Variants in CDH26 observed in about 807,000 individuals in gnomAD.
CDH26 encodes cadherin-like protein 26.
Under a neutral mutation model 90.3 loss-of-function variants are expected in CDH26, and 83 were observed. The ratio of observed to expected loss-of-function variants is 0.92; its 90% CI spans 0.77 to 1.10. CDH26 has a LOEUF of 1.10. Among genes scored for constraint, CDH26 ranks in the 50% least tolerant of loss-of-function variants. The probability of loss-of-function intolerance (pLI) is 0.00; values close to 1 mark genes in which losing one functional copy is unlikely to be tolerated. For synonymous variants in CDH26, 397 were observed against 396.3 expected, an observed-to-expected ratio of 1.00 and a Z score of -0.02; for missense variants, 1,013 against 1,037.6, an observed-to-expected ratio of 0.98 and a Z score of 0.33.
intron 7 of CDH26, among the ~76,000 whole-genome samples, chr20:60,027,272 T>A (rs536068182): frequency 6.6e-6 from 1 of 152,188 alleles, no homozygotes; most frequent in South Asian, 2.1e-4. Context: ...GGTCATAGGG[T>A]CACATTTGAA....
chr20:59,980,852 C>CT (rs1569034411), intron 4 of CDH26, among the ~76,000 whole-genome samples: 3 of 151,972 alleles, frequency 2.0e-5, no homozygotes, highest in South Asian at 2.1e-4. Context: ...AGATTTTCTC[C>CT]TTTTTTTACT....
intron 1 of CDH26, 56 bp from the exon 2 acceptor site, chr20:59,968,911 C>T: frequency 1.1e-6 from 1 of 922,234 alleles, no homozygotes; most frequent in Non-Finnish European, 1.7e-6. Context: ...CAGGTGGTTT[C>T]CATGTGATTC....
chr20:60,029,119 A>G (rs937611816), intron 7 of CDH26, among the ~76,000 whole-genome samples: 5 of 152,350 alleles, frequency 3.3e-5, no homozygotes, highest in Admixed American at 1.3e-4. Context: ...GATGTGAGTG[A>G]TCAAAAAGAG....
intron 11 of CDH26, among the ~76,000 whole-genome samples, 187 bp downstream of exon 11, chr20:59,994,676 G>A (rs1003646456): frequency 1.3e-5 from 2 of 152,116 alleles, no homozygotes; most frequent in Non-Finnish European, 2.9e-5. Flanking sequence ...CCTTTCTCTA[G>A]GTTCCTTCTT....
intron 4 of CDH26, among the ~76,000 whole-genome samples, chr20:59,980,151 G>C (rs1183547906): frequency 6.6e-6 from 1 of 152,114 alleles, no homozygotes; most frequent in Non-Finnish European, 1.5e-5. Context: ...CAGTTTAGCT[G>C]TTCTAAAAGG....
intron 7 of CDH26, among the ~76,000 whole-genome samples, chr20:60,022,494 G>C (rs1280720510): frequency 6.6e-6 from 1 of 152,196 alleles, no homozygotes; most frequent in African/African-American, 2.4e-5. Flanking sequence ...ACTAAACACA[G>C]CAGATACCTC....
intron 17 of CDH26, among the ~76,000 whole-genome samples, chr20:60,010,585 G>A (rs1435145586): frequency 6.6e-6 from 1 of 152,196 alleles, no homozygotes; most frequent in African/African-American, 2.4e-5. Context: ...TGAATGCTGA[G>A]CTGGAGTTTG....
At chr20:59,998,169 T>C (rs188528691) in intron 13 of CDH26, among the ~76,000 whole-genome samples, 5 of 152,364 alleles carry the variant, frequency 3.3e-5, no homozygotes, top group Non-Finnish European at 7.4e-5. Flanking sequence ...TTTCTTGCCT[T>C]GGACAGTTCC....
chr20:59,961,497 G>A (rs1002188147), intron 1 of CDH26, among the ~76,000 whole-genome samples: 1 of 152,144 alleles, frequency 6.6e-6, no homozygotes, highest in African/African-American at 2.4e-5. Flanking sequence ...TGTCAAATTG[G>A]CTATGAGTAA....
intron 4 of CDH26, among the ~76,000 whole-genome samples, chr20:59,974,828 C>T (rs2061308559): frequency 6.6e-6 from 1 of 152,146 alleles, no homozygotes; most frequent in Admixed American, 6.5e-5. Flanking sequence ...TTTATTTTCT[C>T]CTCAACACCA....
rs1301432396 is a variant in CDH26, at chr20:59,996,074, G to A, written c.1888+20G>A. ...TGGCAGGTCAGTGGTCTGTAGGGGT[G>A]TCCTGGGACTGTGGCTCCTCTCCCC... On this transcript the variant is annotated intron_variant, in intron 12 of 17. Coordinates refer to ENST00000348616, the MANE Select transcript of CDH26 (RefSeq NM_177980.4). The A allele has an allele frequency of 6.2e-7, 1 of 1,604,132 alleles. No individual in the cohort carries two copies. Among genetic ancestry groups the A allele is most frequent in the Non-Finnish European group, 8.5e-7 (1 of 1,175,902 alleles).
At chr20:60,016,598 CT>C (rs1171204545), downstream of CDH26, among the ~76,000 whole-genome samples, 1 of 150,868 alleles carries the variant, frequency 6.6e-6, no homozygotes, top group African/African-American at 2.5e-5. Context: ...TTTGAATTCC[CT>C]TTTTTTCTTC....
rs1352511552 is a variant in CDH26 at position 59,983,089 on chromosome 20, C to T, written c.541+19C>T. ...TCTGCAGGTGTGTGCGGCTGGGGGG[C>T]TGCCGGGCTTCCTTCTGTCTCTGCT... On this transcript the variant is annotated intron_variant, in intron 5 of 17. Coordinates refer to ENST00000348616, the MANE Select transcript of CDH26 (RefSeq NM_177980.4). 6.2e-7 allele frequency: 1 copy of T among 1,610,676 alleles called. No individual in the cohort carries two copies. The highest frequency in any genetic ancestry group is 1.1e-5 in the South Asian group (1 of 90,636).
At chr20:59,972,793 G>T (rs956222453) in intron 4 of CDH26, among the ~76,000 whole-genome samples, 3 of 152,118 alleles carry the variant, frequency 2.0e-5, no homozygotes, top group Non-Finnish European at 2.9e-5. Context: ...CTGTACATTT[G>T]TTCATTAACT....
chr20:59,967,841 C>A (rs1365876292), intron 1 of CDH26, among the ~76,000 whole-genome samples: 32 of 82,930 alleles, frequency 3.9e-4, no homozygotes, highest in African/African-American at 2.3e-3. Flanking sequence ...TTCTTTCTTT[C>A]TTTCTTTCTT....
intron 7 of CDH26, 75 bp downstream of exon 7, chr20:59,985,204 A>C: frequency 1.9e-6 from 3 of 1,561,476 alleles, no homozygotes; most frequent in Non-Finnish European, 2.6e-6. Flanking sequence ...AGTTTTTCTC[A>C]GAGAGGGTGT....
chr20:60,006,653 G>T, intron 16 of CDH26, 60 bp from the exon 17 acceptor site: 1 of 1,235,290 alleles, frequency 8.1e-7, no homozygotes, highest in Non-Finnish European at 1.2e-6. Context: ...TGACACACAG[G>T]GGTTGGGGGG....
rs144059965 is a variant in CDH26, at chr20:59,983,045, C to T, written c.516C>T (p.Ile172=). 1.9e-6 allele frequency: 3 copies of T among 1,614,020 alleles called. No homozygotes were observed. The highest frequency in any genetic ancestry group is 1.7e-6 in the Non-Finnish European group (2 of 1,179,964). The change falls in exon 5 of 18, where the codon ATC becomes ATT. Residue 172 remains isoleucine, a synonymous_variant. Coordinates refer to ENST00000348616, the MANE Select transcript of CDH26 (RefSeq NM_177980.4). The part of the protein sequence containing the change: ...APQFPEKEFN[I]TVQENQSAGQ... ...AGTTTCCAGAGAAGGAATTTAACAT[C>T]ACTGTGCAAGAAAACCAATCTGCAG...
At chr20:60,002,911 G>T (rs771226151) in intron 16 of CDH26, 45 bp downstream of exon 16, 2 of 1,408,806 alleles carry the variant, frequency 1.4e-6, no homozygotes, top group South Asian at 1.5e-5. Context: ...TTACCTTATT[G>T]TTCTGCCTAA....
Sources: allele counts gnomAD v4.1 joint callset (sites outside exome capture counted in the v4.1 genomes callset), GRCh38; gene constraint gnomAD v4.1.1; transcripts MANE v1.5; gene names NCBI Gene and HGNC (gene_info 2026-07-23, HGNC 2026-07-21).